PCDHA13: variants seen among roughly 807,000 people sequenced by gnomAD.
The protein encoded by PCDHA13 is protocadherin alpha-13.
A neutral mutation model predicts 64.8 loss-of-function variants in PCDHA13; 54 were observed. The observed-to-expected ratio is 0.83, with a 90% CI of 0.67 to 1.04. PCDHA13 has a LOEUF of 1.04. PCDHA13 is among the 50% of genes least tolerant of loss of function. The pLI is 0.00. For missense variants in PCDHA13, 1,248 were observed against 1,254.3 expected (o/e 0.99, Z 0.08); for synonymous variants, 587 against 564.4 (o/e 1.04, Z -0.57).
At chr5:140,924,911 TAAAATA>T (rs1563069196) in intron 1 of PCDHA13, among the ~76,000 whole-genome samples, 7 of 59,704 alleles carry the variant, frequency 1.2e-4, no homozygotes, top group Non-Finnish European at 2.5e-4. Flanking sequence ...AAAAATAAAA[TAAAATA>T]AAATAAAATA....
chr5:140,909,784 C>T (rs1380024637), intron 1 of PCDHA13, among the ~76,000 whole-genome samples: 1 of 152,154 alleles, frequency 6.6e-6, no homozygotes, highest in African/African-American at 2.4e-5. Context: ...TGGACCCACT[C>T]TAAGTCAGAC....
At chr5:140,926,494 C>T (rs565938693) in intron 1 of PCDHA13, 46 of 181,758 alleles carry the variant, frequency 2.5e-4, no homozygotes, top group African/African-American at 1.0e-3. Flanking sequence ...GTGTTAGTGT[C>T]TCGGGGCGTC....
chr5:140,884,344 G>C lies in PCDHA13; in HGVS notation c.2076G>C (p.Ala692=). 1 of 1,613,904 alleles carries C rather than the reference G, an allele frequency of 6.2e-7. No individual in the cohort carries two copies. The highest frequency in any genetic ancestry group is 8.5e-7 in the Non-Finnish European group (1 of 1,179,874). The change falls in exon 1 of 4, where the codon GCG becomes GCC. Residue 692 remains alanine, a synonymous_variant. Coordinates refer to ENST00000289272, the MANE Select transcript of PCDHA13 (RefSeq NM_018904.3). The stretch of plus-strand genomic sequence containing the variant: ...CAGGCGCTGTGGGTCCAGAAGCGGC[G>C]CTGGTGGATGTCAATGTTTACTTGA... ...ASAGAVGPEA[A]LVDVNVYLII... is the part of the protein sequence containing the mutation.
intron 1 of PCDHA13, among the ~76,000 whole-genome samples, chr5:140,937,039 CTTTT>C (rs34994034): frequency 1.4e-5 from 2 of 140,156 alleles, no homozygotes; most frequent in African/African-American, 2.6e-5. Flanking sequence ...TTCCATTTAT[CTTTT>C]TTTTTTTTTT....
At position 140,973,488 on chromosome 5, in the gene PCDHA13, G is replaced by A. The variant is rs186493160; in HGVS notation, c.2395-5461G>A. Reference sequence around the variant, plus strand: ...GTTTGCAAATTTCATATTGGTCACAGGACTCTTCTTCTGAGAAAAAGTTTA... The same window carrying A: ...GTTTGCAAATTTCATATTGGTCACAAGACTCTTCTTCTGAGAAAAAGTTTA... On this transcript the variant is annotated intron_variant, in intron 1 of 3. Coordinates refer to ENST00000289272, the MANE Select transcript of PCDHA13 (RefSeq NM_018904.3). Among the ~76,000 whole-genome samples, 7 of 152,228 alleles carry A rather than the reference G, an allele frequency of 4.6e-5. No homozygotes were observed. The East Asian group carries it at 1.3e-3, about 29-fold the overall frequency.
intron 1 of PCDHA13, chr5:140,967,968 G>A: frequency 3.1e-6 from 5 of 1,614,218 alleles, no homozygotes; most frequent in Non-Finnish European, 4.2e-6. Flanking sequence ...CGGAAAGTGA[G>A]CCTGGGTCTG....
Position 140,883,762 on chromosome 5 carries a change from G to A in PCDHA13, c.1494G>A (p.Arg498=), listed in dbSNP as rs782515575. 5 of 1,612,794 alleles carry A rather than the reference G, an allele frequency of 3.1e-6. No homozygotes were observed. The South Asian group carries it at 5.5e-5, about 18-fold the overall frequency. The change falls in exon 1 of 4, where the codon CGG becomes CGA. Residue 498 remains arginine, a synonymous_variant. Coordinates refer to ENST00000289272, the MANE Select transcript of PCDHA13 (RefSeq NM_018904.3). The part of the protein sequence containing the change: ...ALVSYSLVER[R]VGERALSSYV... ...TCTCCTACTCGCTGGTGGAGCGGCG[G>A]GTGGGCGAGCGTGCGCTGTCGAGCT... is the stretch of plus-strand genomic sequence containing the variant.
intron 3 of PCDHA13, among the ~76,000 whole-genome samples, chr5:140,985,873 G>C (rs1210347898): frequency 1.3e-5 from 2 of 151,280 alleles, no homozygotes; most frequent in Non-Finnish European, 2.9e-5. Flanking sequence ...CTGAGTAGCT[G>C]GGACTACAGG....
At chr5:140,898,818 A>G (rs2066994592) in intron 1 of PCDHA13, among the ~76,000 whole-genome samples, 1 of 152,216 alleles carries the variant, frequency 6.6e-6, no homozygotes, top group Admixed American at 6.5e-5. Flanking sequence ...CTTCCTACCC[A>G]TGAGCATGGA....
chr5:140,925,641 TATA>T (rs10569930), intron 1 of PCDHA13, among the ~76,000 whole-genome samples: 13,718 of 143,270 alleles, frequency 0.096, 957 homozygotes, highest in East Asian at 0.35. Context: ...GAACTTAAAG[TATA>T]ATAATAATAA....
chr5:140,966,938 G>A (rs1159097726), intron 1 of PCDHA13: 1 of 1,604,146 alleles, frequency 6.2e-7, no homozygotes, highest in African/African-American at 1.3e-5. Context: ...CGGCGCGCTC[G>A]TGGGCAACGT....
chr5:140,903,884 A>C (rs1466107424), intron 1 of PCDHA13, among the ~76,000 whole-genome samples: 1 of 152,214 alleles, frequency 6.6e-6, no homozygotes, highest in Non-Finnish European at 1.5e-5. Context: ...AAGACATTGA[A>C]TCTTGACCTG....
chr5:140,882,806 T>G lies in PCDHA13; in HGVS notation c.538T>G (p.Leu180Val). The G allele has an allele frequency of 1.2e-6, 2 of 1,614,218 alleles. No homozygotes were observed. The highest frequency in any genetic ancestry group is 1.7e-6 in the Non-Finnish European group (2 of 1,180,038). The change falls in exon 1 of 4, where the codon TTG becomes GTG. Residue 180 changes from leucine (L) to valine (V), a missense_variant. Transcript: ENST00000289272. Reference sequence around the variant, plus strand: ...ACTGGATCCCAACGATTATTTCACTTTGGACGCACAAAACAGTCTTGAGCA... The same window carrying G: ...ACTGGATCCCAACGATTATTTCACTGTGGACGCACAAAACAGTCTTGAGCA... ...YRLDPNDYFT[L>V]DAQNSLEQMS...
chr5:140,893,297 A>G (rs553139850), intron 1 of PCDHA13, among the ~76,000 whole-genome samples: 4 of 152,154 alleles, frequency 2.6e-5, no homozygotes, highest in South Asian at 2.1e-4. Context: ...TGGTAGTTCT[A>G]TTTGTAGTTT....
At position 140,968,170 on chromosome 5, in the gene PCDHA13, C is replaced by T. The variant is rs1554230457; in HGVS notation, c.2395-10779C>T. 3 of 1,614,132 alleles carry T rather than the reference C, an allele frequency of 1.9e-6. No homozygotes were observed. In the South Asian group the frequency reaches 3.3e-5, roughly 18 times the overall value. On this transcript the variant is annotated intron_variant, in intron 1 of 3. Transcript: ENST00000289272. ...CTGACATCAATGACAATCCACCAAG[C>T]TTCCTGGAGGACTCCTATTCCATCT...
chr5:141,001,448 G>A (rs1465333650), intron 3 of PCDHA13, among the ~76,000 whole-genome samples: 1 of 152,190 alleles, frequency 6.6e-6, no homozygotes, highest in Non-Finnish European at 1.5e-5. Context: ...TCTTTCCACT[G>A]TCAATTGAAG....
At chr5:140,898,100 G>C (rs1273803096) in intron 1 of PCDHA13, among the ~76,000 whole-genome samples, 2 of 152,132 alleles carry the variant, frequency 1.3e-5, no homozygotes, top group African/African-American at 4.8e-5. Flanking sequence ...CCCTTTGTCA[G>C]ATGAGTAGGT....
chr5:140,896,137 G>A (rs547993953), intron 1 of PCDHA13, among the ~76,000 whole-genome samples: 16 of 152,260 alleles, frequency 1.1e-4, no homozygotes, highest in African/African-American at 3.1e-4. Flanking sequence ...TTTATCCAGT[G>A]CACCATTGAT....
Position 140,884,351 on chromosome 5 carries a change from G to A in PCDHA13, c.2083G>A (p.Asp695Asn). The change falls in exon 1 of 4, where the codon GAT (aspartate) becomes AAT (asparagine). Residue 695 changes from aspartate to asparagine, a missense_variant. Asp to Asn is a conservative substitution (Grantham distance 23). Coordinates refer to ENST00000289272, the MANE Select transcript of PCDHA13 (RefSeq NM_018904.3). ...GAVGPEAALV[D>N]VNVYLIIAIC... ...TGTGGGTCCAGAAGCGGCGCTGGTG[G>A]ATGTCAATGTTTACTTGATCATTGC... 1 of 1,613,946 alleles carries A rather than the reference G, an allele frequency of 6.2e-7. No individual in the cohort carries two copies. Among genetic ancestry groups the A allele is most frequent in the Non-Finnish European group, 8.5e-7 (1 of 1,179,886 alleles).
Sources: allele counts gnomAD v4.1 joint callset (sites outside exome capture counted in the v4.1 genomes callset), GRCh38; gene constraint gnomAD v4.1.1; transcripts MANE v1.5; gene names NCBI Gene and HGNC (gene_info 2026-07-23, HGNC 2026-07-21).